Variants in ATP10A observed in about 807,000 individuals in gnomAD.
ATP10A encodes the protein ATPase phospholipid transporting 10A (putative).
ATP10A carries 111 observed loss-of-function variants against 147.8 expected under a neutral mutation model. The observed-to-expected ratio is 0.75, with a 90% CI of 0.64 to 0.88. The LOEUF (loss-of-function observed/expected upper bound fraction) is 0.88, where lower values mean the gene tolerates loss of function less well. Ranked by LOEUF, ATP10A falls within the 40% of genes least tolerant of loss-of-function variation. The probability of loss-of-function intolerance (pLI) is 0.00; values close to 1 mark genes in which losing one functional copy is unlikely to be tolerated. For missense variants in ATP10A, 1,927 were observed against 1,959.0 expected, an observed-to-expected ratio of 0.98 and a Z score of 0.31; for synonymous variants, 875 against 841.6, an observed-to-expected ratio of 1.04 and a Z score of -0.69.
chr15:25,738,567 G>A (rs961965997), intron 2 of ATP10A: 6 of 152,112 alleles, frequency 3.9e-5, no homozygotes, highest in African/African-American at 1.4e-4. Flanking sequence ...AGCTAAGCAG[G>A]GTCAGTACTT....
At chr15:25,821,652 T>C (rs1891896010) in intron 1 of ATP10A, among the ~76,000 whole-genome samples, 1 of 152,174 alleles carries the variant, frequency 6.6e-6, no homozygotes, top group Admixed American at 6.5e-5. Flanking sequence ...TCTACAAGGA[T>C]CTATGCCCAG....
chr15:25,680,107 G>T lies in ATP10A; in HGVS notation c.3866+14C>A, dbSNP rs746418207. ...ACTCGGGGCTCAGAGGCACTATCCC[G>T]CTCCGACACCCACCTGGGCAGCAGT... On this transcript the variant is annotated intron_variant, in intron 20 of 20. Coordinates refer to ENST00000555815, the MANE Select transcript of ATP10A (RefSeq NM_024490.4). 1.9e-6 allele frequency: 3 copies of T among 1,612,130 alleles called. No homozygotes were observed. Among genetic ancestry groups the T allele is most frequent in the South Asian group, 1.1e-5 (1 of 90,912 alleles).
chr15:25,718,510 C>T (rs1441465541), intron 7 of ATP10A, 111 bp from the exon 8 acceptor site: 23 of 1,072,492 alleles, frequency 2.1e-5, no homozygotes, highest in Non-Finnish European at 3.0e-5. Context: ...GGCAGCCCCA[C>T]AGGATTCACC....
At chr15:25,817,231 C>T (rs551162206) in intron 1 of ATP10A, among the ~76,000 whole-genome samples, 64 of 152,048 alleles carry the variant, frequency 4.2e-4, no homozygotes, top group African/African-American at 1.4e-3. Flanking sequence ...TACAGGCGCC[C>T]GCCACCATGC....
chr15:25,820,037 C>A (rs1472049979), intron 1 of ATP10A, among the ~76,000 whole-genome samples: 2 of 151,982 alleles, frequency 1.3e-5, no homozygotes, highest in Non-Finnish European at 2.9e-5. Flanking sequence ...CGCTTGTACC[C>A]CTTCAATTTA....
chr15:25,690,030 T>C (rs1471796124), intron 15 of ATP10A, among the ~76,000 whole-genome samples: 2 of 152,328 alleles, frequency 1.3e-5, no homozygotes, highest in African/African-American at 4.8e-5. Context: ...AGTTGACCCT[T>C]GAACAACACT....
At chr15:25,722,601 T>G (rs2140427545) in intron 6 of ATP10A, among the ~76,000 whole-genome samples, 1 of 152,352 alleles carries the variant, frequency 6.6e-6, no homozygotes, top group South Asian at 2.1e-4. Context: ...TGGGTTCTCC[T>G]GGGAACTGAA....
At chr15:25,683,751 G>A in intron 16 of ATP10A, 1 of 508,266 alleles carries the variant, frequency 2.0e-6, no homozygotes, top group East Asian at 3.5e-5. Flanking sequence ...GCACTTGCGG[G>A]GATGAGATTT....
At chr15:25,747,282 C>A (rs1887895236) in intron 2 of ATP10A, among the ~76,000 whole-genome samples, 2 of 85,278 alleles carry the variant, frequency 2.3e-5, no homozygotes, top group Admixed American at 1.6e-4. Context: ...AGCAAAACTC[C>A]ATCTCAAAAA....
chr15:25,725,955 T>G lies in ATP10A; in HGVS notation c.975A>C (p.Ala325=). Residue 325 remains alanine (A), a synonymous_variant, in exon 5 of 21, where the codon GCA becomes GCC. Coordinates refer to ENST00000555815, the MANE Select transcript of ATP10A (RefSeq NM_024490.4). ...CGATCCATCTAGGAGACTTACCGACTGCTGAAAACAGAGACATGCAAACAA... is the reference window on the plus strand; with the variant it reads ...CGATCCATCTAGGAGACTTACCGACGGCTGAAAACAGAGACATGCAAACAA... ...LLLVCMSLFS[A]VGHGLWIWRY... The G allele has an allele frequency of 6.2e-7, 1 of 1,613,066 alleles. No homozygotes were observed. Among genetic ancestry groups the G allele is most frequent in the Non-Finnish European group, 8.5e-7 (1 of 1,179,294 alleles).
intron 17 of ATP10A, among the ~76,000 whole-genome samples, chr15:25,681,350 T>C (rs757026832): frequency 6.6e-5 from 10 of 152,208 alleles, no homozygotes; most frequent in Admixed American, 1.3e-4. Context: ...CTTTGTCGTT[T>C]ATCCTTGTAG....
intron 1 of ATP10A, among the ~76,000 whole-genome samples, chr15:25,802,217 C>G (rs1465016236): frequency 6.6e-6 from 1 of 152,202 alleles, no homozygotes; most frequent in African/African-American, 2.4e-5. Context: ...GTGCGTGTGC[C>G]TGCGCCGCAG....
intron 3 of ATP10A, among the ~76,000 whole-genome samples, chr15:25,732,022 A>T (rs1193603634): frequency 1.3e-5 from 2 of 151,968 alleles, no homozygotes; most frequent in African/African-American, 2.4e-5. Context: ...CACCCACACC[A>T]GGCTAATTTT....
intron 7 of ATP10A, 108 bp downstream of exon 7, chr15:25,721,549 T>G: frequency 2.1e-6 from 1 of 481,184 alleles, no homozygotes; most frequent in Non-Finnish European, 3.0e-6. Context: ...GAAGCGTGTG[T>G]GTGTGTGTGT....
At chr15:25,851,924 A>T (rs895197051) in intron 1 of ATP10A, among the ~76,000 whole-genome samples, 2 of 152,210 alleles carry the variant, frequency 1.3e-5, no homozygotes, top group Non-Finnish European at 2.9e-5. Flanking sequence ...TTAGAAATTT[A>T]AAAAAACTGA....
chr15:25,814,213 A>G, intron 1 of ATP10A, among the ~76,000 whole-genome samples: 1 of 152,360 alleles, frequency 6.6e-6, no homozygotes, highest in East Asian at 1.9e-4. Context: ...GAAACAATGA[A>G]GCAAAAAGAC....
intron 2 of ATP10A, among the ~76,000 whole-genome samples, chr15:25,776,159 T>A (rs1555467949): frequency 6.6e-6 from 1 of 152,190 alleles, no homozygotes; most frequent in Non-Finnish European, 1.5e-5. Context: ...AGTCTAGGGA[T>A]CTCCTAGTTC....
At chr15:25,703,663 A>T (rs1900802667) in intron 12 of ATP10A, among the ~76,000 whole-genome samples, 1 of 152,196 alleles carries the variant, frequency 6.6e-6, no homozygotes, top group African/African-American at 2.4e-5. Flanking sequence ...GGTACAGTAA[A>T]CACACAAGTG....
intron 1 of ATP10A, among the ~76,000 whole-genome samples, chr15:25,830,092 C>A (rs1374382580): frequency 2.6e-5 from 4 of 152,046 alleles, no homozygotes; most frequent in Non-Finnish European, 5.9e-5. Context: ...GGTGGGCAGC[C>A]AGGTCCAAGG....
Sources: gnomAD v4.1 joint callset for allele counts (sites outside exome capture counted in the v4.1 genomes callset) on GRCh38, gnomAD v4.1.1 for gene constraint, MANE v1.5 for transcripts, NCBI Gene and HGNC (gene_info 2026-07-23, HGNC 2026-07-21) for gene names.